Variants in CACNG5 observed in about 807,000 individuals in gnomAD.
CACNG5 encodes voltage-dependent calcium channel gamma-5 subunit.
Under a neutral mutation model 24.8 loss-of-function variants are expected in CACNG5, and 18 were observed. The observed-to-expected ratio is 0.73, with a 90% CI of 0.50 to 1.08. The LOEUF is 1.08. Among genes scored for constraint, CACNG5 ranks in the 50% least tolerant of loss-of-function variants. The pLI, the probability that CACNG5 is intolerant of heterozygous loss-of-function variation, is 0.00. For missense variants in CACNG5, 349 were observed against 367.9 expected (o/e 0.95, Z 0.42); for synonymous variants, 157 against 149.1 (o/e 1.05, Z -0.39).
chr17:66,853,910 C>T lies in CACNG5; in HGVS notation c.-104+18660C>T, dbSNP rs185068418. Among the ~76,000 whole-genome samples, 239 of 151,992 alleles carry T rather than the reference C, an allele frequency of 1.6e-3. 1 individual carries two copies. Among genetic ancestry groups the T allele is most frequent in the African/African-American group, 5.5e-3 (228 of 41,438 alleles). On this transcript the variant is annotated intron_variant, in intron 1 of 5. Transcript: ENST00000533854. ...ATCACTATCATCACTTTTATGTCAT[C>T]GAGTCCCTAAGTGCACCAAGACAAG...
intron 1 of CACNG5, among the ~76,000 whole-genome samples, chr17:66,860,422 C>G (rs969489976): frequency 6.6e-6 from 1 of 152,034 alleles, no homozygotes; most frequent in Non-Finnish European, 1.5e-5. Flanking sequence ...CAAGGGAACT[C>G]CCCTGTAAGA....
intron 1 of CACNG5, among the ~76,000 whole-genome samples, chr17:66,872,009 A>G (rs925830208): frequency 6.6e-5 from 10 of 152,188 alleles, no homozygotes; most frequent in African/African-American, 2.4e-4. Flanking sequence ...GTGATTGGAG[A>G]ATAGATCACT....
Position 66,880,691 on chromosome 17 carries a change from C to T in CACNG5, c.418C>T (p.Leu140Phe). Residue 140 changes from leucine to phenylalanine, a missense_variant, in exon 4 of 6, where the codon CTC becomes TTC. Leu to Phe is a conservative substitution (Grantham distance 22). Transcript: ENST00000533854. ...LAFVSGIFFI[L>F]SGLSLVVGLV... ...CTTTGTCTCTGGCATCTTCTTTATC[C>T]TCTCAGGTAAGTTGTGTTGTTTTCT... The T allele has an allele frequency of 6.2e-7, 1 of 1,614,038 alleles. No individual in the cohort carries two copies. The highest frequency in any genetic ancestry group is 1.1e-5 in the South Asian group (1 of 91,016).
chr17:66,884,900 G>A, intron 5 of CACNG5, 83 bp from the exon 6 acceptor site: 9 of 1,613,742 alleles, frequency 5.6e-6, no homozygotes, highest in Non-Finnish European at 7.6e-6. Context: ...CCCCACTCGA[G>A]CTGTGTCCTG....
At chr17:66,849,906 G>A (rs1024346130) in intron 1 of CACNG5, among the ~76,000 whole-genome samples, 1 of 152,216 alleles carries the variant, frequency 6.6e-6, no homozygotes, top group Non-Finnish European at 1.5e-5. Context: ...TCTTTTTGCG[G>A]TCAAGTGGTG....
rs753403369 is a variant in CACNG5, at chr17:66,891,538, T to A, written c.*6298T>A. On this transcript the variant is annotated 3_prime_UTR_variant, in exon 6 of 6. Coordinates refer to ENST00000533854, the MANE Select transcript of CACNG5 (RefSeq NM_145811.3). ...GAACATCTTTGCACACGGTCTCTTC[T>A]TAAGGCCTGGTCTTCCTCATAGGGT... is the stretch of plus-strand genomic sequence containing the variant. Among the ~76,000 whole-genome samples the A allele has an allele frequency of 2.4e-4, 37 of 152,294 alleles. No individual in the cohort carries two copies. The highest frequency in any genetic ancestry group is 4.4e-4 in the Non-Finnish European group (30 of 68,020).
rs949715062 is a variant in CACNG5 at position 66,884,918 on chromosome 17, C to G, written c.571-65C>G. ...CACTCGAGCTGTGTCCTGTGCAGACCCCAGCCAAGGGAGATGAGGCAGGCC... is the reference window on the plus strand; with the variant it reads ...CACTCGAGCTGTGTCCTGTGCAGACGCCAGCCAAGGGAGATGAGGCAGGCC... On this transcript the variant is annotated intron_variant, in intron 5 of 5. Coordinates refer to ENST00000533854, the MANE Select transcript of CACNG5 (RefSeq NM_145811.3). 1.2e-5 allele frequency: 19 copies of G among 1,613,926 alleles called. 1 individual carries two copies. The South Asian group carries it at 2.1e-4, about 18-fold the overall frequency.
At chr17:66,855,142 G>T (rs1045159039) in intron 1 of CACNG5, among the ~76,000 whole-genome samples, 50 of 152,142 alleles carry the variant, frequency 3.3e-4, no homozygotes, top group Non-Finnish European at 1.5e-4. Context: ...CCCAATACAG[G>T]GATCATGTTA....
chr17:66,839,942 C>T (rs138768385), intron 1 of CACNG5, among the ~76,000 whole-genome samples: 12 of 152,312 alleles, frequency 7.9e-5, no homozygotes, highest in African/African-American at 2.9e-4. Context: ...GCTGTTGGGG[C>T]ATGAGTATGG....
rs767310926 is a variant in CACNG5, at chr17:66,885,171, G to A, written c.759G>A (p.Gln253=). ...PSDISSEASL[Q]MNSNYPALLK... is the part of the protein sequence containing the mutation. The stretch of plus-strand genomic sequence containing the variant: ...ACATCTCCAGCGAGGCCTCCCTGCA[G>A]ATGAACAGCAACTACCCCGCCTTGC... Residue 253 remains glutamine (Q), a synonymous_variant, in exon 6 of 6, where the codon CAG becomes CAA. Transcript: ENST00000533854. The A allele has an allele frequency of 8.1e-6, 13 of 1,612,124 alleles. No homozygotes were observed. Among genetic ancestry groups the A allele is most frequent in the Non-Finnish European group, 9.3e-6 (11 of 1,179,936 alleles).
chr17:66,856,127 C>T (rs1200275520), intron 1 of CACNG5, among the ~76,000 whole-genome samples: 4 of 152,182 alleles, frequency 2.6e-5, no homozygotes, highest in African/African-American at 9.7e-5. Flanking sequence ...TTATCAACAA[C>T]AGTGAATCAA....
chr17:66,853,727 A>G (rs930606330), intron 1 of CACNG5, among the ~76,000 whole-genome samples: 21 of 152,224 alleles, frequency 1.4e-4, no homozygotes, highest in African/African-American at 4.8e-4. Context: ...GCAGAAAAAC[A>G]TATGGTAAAA....
chr17:66,843,094 A>G lies in CACNG5; in HGVS notation c.-104+7844A>G, dbSNP rs183276913. 4.5e-3 allele frequency among the ~76,000 whole-genome samples: 678 copies of G among 152,322 alleles called. 5 individuals are homozygous for G. The highest frequency in any genetic ancestry group is 0.016 in the African/African-American group (647 of 41,562). The stretch of plus-strand genomic sequence containing the variant: ...GCTTGTACTTGACATGTATTGCACT[A>G]TTTAATGGAATCCCCTGCCATAATC... On this transcript the variant is annotated intron_variant, in intron 1 of 5. Coordinates refer to ENST00000533854, the MANE Select transcript of CACNG5 (RefSeq NM_145811.3).
chr17:66,892,914 GCA>G lies in CACNG5; in HGVS notation c.*7677_*7678del, dbSNP rs1239701500. On this transcript the variant is annotated 3_prime_UTR_variant, in exon 6 of 6. Transcript: ENST00000533854. ...AATGGATTCACCATCTTCAACCCAG[GCA>G]CAGTCTCTTGCAAATGTCGATTCAG... is the stretch of plus-strand genomic sequence containing the variant. 5.3e-5 allele frequency among the ~76,000 whole-genome samples: 8 copies of G among 152,102 alleles called. No homozygotes were observed. The highest frequency in any genetic ancestry group is 1.9e-4 in the African/African-American group (8 of 41,412).
intron 1 of CACNG5, among the ~76,000 whole-genome samples, chr17:66,842,518 G>A (rs2109267): frequency 0.16 from 24,545 of 152,130 alleles, 2,078 homozygotes; most frequent in Admixed American, 0.23. Context: ...GGCTCCTTCT[G>A]TTCAGTGTAG....
intron 1 of CACNG5, among the ~76,000 whole-genome samples, chr17:66,866,267 A>C (rs1976928570): frequency 6.6e-6 from 1 of 152,096 alleles, no homozygotes; most frequent in Admixed American, 6.5e-5. Flanking sequence ...TGGTATGTGC[A>C]GTATGGTCCC....
intron 1 of CACNG5, 63 bp from the exon 2 acceptor site, chr17:66,877,167 C>G: frequency 1.7e-6 from 1 of 601,860 alleles, no homozygotes; most frequent in Non-Finnish European, 2.9e-6. Context: ...TGGTCTTTAC[C>G]CATCCATTGA....
intron 1 of CACNG5, among the ~76,000 whole-genome samples, chr17:66,873,171 T>C (rs1342846798): frequency 6.6e-6 from 1 of 152,202 alleles, no homozygotes; most frequent in African/African-American, 2.4e-5. Flanking sequence ...ACCCTGTACC[T>C]GAAGGATTTT....
intron 1 of CACNG5, among the ~76,000 whole-genome samples, chr17:66,868,397 G>A (rs1002521793): frequency 1.3e-5 from 2 of 152,182 alleles, no homozygotes; most frequent in Non-Finnish European, 2.9e-5. Context: ...GGGGCAGAGA[G>A]AGCCTCACAC....
Sources: gnomAD v4.1 joint callset for allele counts (sites outside exome capture counted in the v4.1 genomes callset) on GRCh38, gnomAD v4.1.1 for gene constraint, MANE v1.5 for transcripts, NCBI Gene and HGNC (gene_info 2026-07-23, HGNC 2026-07-21) for gene names.